Variants in DEK observed in about 807,000 individuals in gnomAD.
The protein encoded by DEK is DEK proto-oncogene, also known as protein DEK.
In DEK, 28 loss-of-function variants were observed where a neutral mutation model predicts 46.8. That is an observed-to-expected ratio of 0.60 (90% CI 0.44 to 0.82). The LOEUF (loss-of-function observed/expected upper bound fraction) is 0.82. DEK is among the 40% of genes least tolerant of loss of function. The pLI is 0.00. For missense variants in DEK, 416 were observed against 430.6 expected (o/e 0.97, Z 0.30); for synonymous variants, 160 against 144.5 (o/e 1.11, Z -0.77).
At chr6:18,249,888 T>A in intron 6 of DEK, 49 bp from the exon 7 acceptor site, 1 of 1,509,690 alleles carries the variant, frequency 6.6e-7, no homozygotes, top group South Asian at 1.4e-5. Flanking sequence ...AATATTTCAA[T>A]CAATTCTCTT....
chr6:18,224,435 A>C lies in DEK; in HGVS notation c.*1284T>G, dbSNP rs555978595. On this transcript the variant is annotated 3_prime_UTR_variant, in exon 11 of 11. Coordinates refer to ENST00000652689, the MANE Select transcript of DEK (RefSeq NM_003472.4). ...TGCAACAAATGTGTCATTGTGTCAT[A>C]AACAGCATGTTTTAAAATTCAGATT... 9.9e-5 allele frequency: 19 copies of C among 192,502 alleles called. No individual in the cohort carries two copies. The East Asian group carries it at 1.6e-3, about 16-fold the overall frequency. 11.9% of individuals were successfully genotyped at this position (192,502 alleles called of 1,614,324 possible).
rs1790072871 is a variant in DEK at position 18,225,507 on chromosome 6, T to G, written c.*212A>C. On this transcript the variant is annotated 3_prime_UTR_variant, in exon 11 of 11. Transcript: ENST00000652689. ...TAAAAGCAAGGAACAATTAATGCCATGCAAGATTTTAAACTAAAAATGGCA... is the reference window on the plus strand; with the variant it reads ...TAAAAGCAAGGAACAATTAATGCCAGGCAAGATTTTAAACTAAAAATGGCA... 1 of 485,280 alleles carries G rather than the reference T, an allele frequency of 2.1e-6. No homozygotes were observed. The highest frequency in any genetic ancestry group is 2.0e-5 in the African/African-American group (1 of 50,342). The allele number at this position is 485,280 out of a possible 1,614,324, so 30.1% of individuals were successfully genotyped here.
At chr6:18,227,229 G>A (rs912785835) in intron 9 of DEK, among the ~76,000 whole-genome samples, 13 of 152,108 alleles carry the variant, frequency 8.5e-5, no homozygotes, top group African/African-American at 3.1e-4. Flanking sequence ...CAAGAGGAAG[G>A]CATCTGTCTC....
At chr6:18,230,429 C>T (rs1467871581) in intron 9 of DEK, among the ~76,000 whole-genome samples, 2 of 152,156 alleles carry the variant, frequency 1.3e-5, no homozygotes, top group African/African-American at 4.8e-5. Context: ...AAGACACAGA[C>T]TGACAAACTG....
chr6:18,255,993 CTTTTTTT>C (rs58144742), intron 5 of DEK, 142 bp from the exon 6 acceptor site: 5 of 717,506 alleles, frequency 7.0e-6, no homozygotes, highest in South Asian at 6.2e-5. Context: ...AATCTTTTTT[CTTTTTTT>C]TTTTTTGAGA....
intron 9 of DEK, among the ~76,000 whole-genome samples, chr6:18,233,087 A>C (rs1343491195): frequency 6.6e-6 from 1 of 152,218 alleles, no homozygotes; most frequent in Non-Finnish European, 1.5e-5. Context: ...CCTGACAAAA[A>C]CAAGAAATGG....
intron 7 of DEK, among the ~76,000 whole-genome samples, chr6:18,237,974 T>G (rs988630878): frequency 3.7e-4 from 55 of 149,208 alleles, no homozygotes; most frequent in African/African-American, 1.3e-3. Context: ...TTCAAGCGAA[T>G]TCTCCTGTCT....
chr6:18,231,485 GAA>G (rs535438590), intron 9 of DEK, among the ~76,000 whole-genome samples: 310 of 151,420 alleles, frequency 2.0e-3, no homozygotes, highest in Non-Finnish European at 3.0e-3. Context: ...AGACTAATAA[GAA>G]AAGAGAGAAG....
intron 7 of DEK, chr6:18,244,700 G>T: frequency 2.1e-6 from 1 of 478,626 alleles, no homozygotes; most frequent in Non-Finnish European, 3.5e-6. Context: ...AGGAAAGAAT[G>T]TGCAAGTCTA....
intron 7 of DEK, among the ~76,000 whole-genome samples, chr6:18,248,247 A>G (rs1394549921): frequency 1.3e-5 from 2 of 152,198 alleles, no homozygotes; most frequent in African/African-American, 4.8e-5. Flanking sequence ...TATAGAGGTC[A>G]GATTTGAACT....
intron 4 of DEK, 135 bp downstream of exon 4, chr6:18,257,818 C>A: frequency 2.2e-6 from 1 of 461,728 alleles, no homozygotes. Flanking sequence ...TGTGATAAAT[C>A]ATTTAATAAG....
At chr6:18,247,048 A>C (rs372212036) in intron 7 of DEK, among the ~76,000 whole-genome samples, 17 of 152,326 alleles carry the variant, frequency 1.1e-4, no homozygotes, top group African/African-American at 3.6e-4. Flanking sequence ...TTCCATAGTA[A>C]TGACCAAAAA....
At chr6:18,226,146 G>A in intron 10 of DEK, 28 bp downstream of exon 10, 1 of 1,273,000 alleles carries the variant, frequency 7.9e-7, no homozygotes, top group Non-Finnish European at 1.0e-6. Flanking sequence ...TATTTCTAAA[G>A]TCAAACTTGA....
chr6:18,259,048 C>T (rs574751458), intron 2 of DEK, among the ~76,000 whole-genome samples: 30 of 152,022 alleles, frequency 2.0e-4, no homozygotes, highest in African/African-American at 6.0e-4. Context: ...CAAAAATCTA[C>T]GGTGAGGCGC....
chr6:18,244,030 CTTTAGTGAT>C (rs918619727), intron 7 of DEK, among the ~76,000 whole-genome samples: 2 of 152,074 alleles, frequency 1.3e-5, no homozygotes, highest in African/African-American at 4.8e-5. Flanking sequence ...ATCTTGAAAA[CTTTAGTGAT>C]TATAATAAAA....
chr6:18,252,087 T>A (rs552724139), intron 6 of DEK, among the ~76,000 whole-genome samples: 2 of 152,104 alleles, frequency 1.3e-5, no homozygotes, highest in South Asian at 4.2e-4. Flanking sequence ...GGAAACAAAA[T>A]CTGATTAACA....
intron 9 of DEK, among the ~76,000 whole-genome samples, chr6:18,233,514 A>C (rs562677552): frequency 6.6e-6 from 1 of 152,344 alleles, no homozygotes; most frequent in African/African-American, 2.4e-5. Context: ...AAAATCAAAC[A>C]ACCCCATCAA....
intron 9 of DEK, among the ~76,000 whole-genome samples, chr6:18,230,647 G>A (rs1790373927): frequency 6.6e-6 from 1 of 152,212 alleles, no homozygotes; most frequent in Non-Finnish European, 1.5e-5. Flanking sequence ...TTACATAATG[G>A]TAAAGGGATC....
At chr6:18,227,081 G>A (rs1027471633) in intron 9 of DEK, among the ~76,000 whole-genome samples, 1 of 152,148 alleles carries the variant, frequency 6.6e-6, no homozygotes, top group Non-Finnish European at 1.5e-5. Flanking sequence ...ATTGTCCAAG[G>A]TTTCTCCCCA....
Sources: gnomAD v4.1 joint callset for allele counts (sites outside exome capture counted in the v4.1 genomes callset) on GRCh38, gnomAD v4.1.1 for gene constraint, MANE v1.5 for transcripts, NCBI Gene and HGNC (gene_info 2026-07-23, HGNC 2026-07-21) for gene names.